Variants in ADAM2 observed in about 807,000 individuals in gnomAD.
The protein encoded by ADAM2 is disintegrin and metalloproteinase domain-containing protein 2.
In ADAM2, 101 loss-of-function variants were observed where a neutral mutation model predicts 99.3. That is an observed-to-expected ratio of 1.02 (90% confidence interval 0.87 to 1.20). ADAM2 has a LOEUF of 1.20. ADAM2 is among the 50% of genes most tolerant of loss of function. ADAM2 has a pLI of 0.00. For missense variants in ADAM2, 948 were observed against 878.7 expected, an observed-to-expected ratio of 1.08 and a Z score of -1.00; for synonymous variants, 323 against 287.6, an observed-to-expected ratio of 1.12 and a Z score of -1.25.
rs369312313 is a variant in ADAM2, at chr8:39,777,155, T to G, written c.898A>C (p.Arg300=). Residue 300 remains arginine, a synonymous_variant, in exon 11 of 21, where the codon AGA becomes CGA. Transcript: ENST00000265708. ...NYAGGVVLHP[R]TISLESLAVI... ...GCAAGTGATTCCAGACTTATGGTTC[T>G]GGGGTGCTGAGAAAAAAAAATAGAT... The G allele has an allele frequency of 3.8e-5, 61 of 1,603,288 alleles. No individual in the cohort carries two copies. Among genetic ancestry groups the G allele is most frequent in the Non-Finnish European group, 5.0e-5 (59 of 1,176,388 alleles).
intron 7 of ADAM2, among the ~76,000 whole-genome samples, chr8:39,793,439 G>T (rs574613602): frequency 4.7e-4 from 71 of 152,176 alleles, no homozygotes; most frequent in African/African-American, 1.6e-3. Context: ...AACATTAAAG[G>T]GTGTTAAGCA....
chr8:39,796,573 G>A (rs1403139522), intron 7 of ADAM2, among the ~76,000 whole-genome samples: 1 of 152,010 alleles, frequency 6.6e-6, no homozygotes, highest in Non-Finnish European at 1.5e-5. Flanking sequence ...GGGATTGCTG[G>A]GCCAAATGGT....
At chr8:39,788,002 C>G (rs997682902) in intron 9 of ADAM2, 83 bp downstream of exon 9, 17 of 912,206 alleles carry the variant, frequency 1.9e-5, no homozygotes, top group Non-Finnish European at 2.4e-5. Flanking sequence ...TTTTTTAATA[C>G]ACATTTATCA....
intron 10 of ADAM2, among the ~76,000 whole-genome samples, chr8:39,784,931 C>T (rs1185026689): frequency 1.3e-5 from 2 of 152,070 alleles, no homozygotes; most frequent in Non-Finnish European, 2.9e-5. Context: ...TGTTTCACCA[C>T]CTTATAGATT....
At chr8:39,810,435 T>G (rs1428266081) in intron 6 of ADAM2, among the ~76,000 whole-genome samples, 2 of 152,220 alleles carry the variant, frequency 1.3e-5, no homozygotes, top group Non-Finnish European at 2.9e-5. Flanking sequence ...CAAGTGGACC[T>G]AATAGACATC....
At chr8:39,787,548 A>C (rs941293788) in intron 9 of ADAM2, among the ~76,000 whole-genome samples, 3 of 121,436 alleles carry the variant, frequency 2.5e-5, no homozygotes, top group African/African-American at 3.4e-5. Context: ...CTCTCTATAT[A>C]TATATATACA....
At chr8:39,817,622 CAGTT>C (rs1359823845) in intron 6 of ADAM2, among the ~76,000 whole-genome samples, 5 of 152,086 alleles carry the variant, frequency 3.3e-5, no homozygotes, top group South Asian at 4.2e-4. Context: ...TATTATCTGT[CAGTT>C]AAACATAAAA....
chr8:39,822,996 T>C (rs574983937), intron 4 of ADAM2, among the ~76,000 whole-genome samples: 15 of 152,284 alleles, frequency 9.9e-5, no homozygotes, highest in African/African-American at 2.6e-4. Flanking sequence ...CTCCATCTCT[T>C]GACCTCATGA....
chr8:39,760,882 C>CAAAAAAAAAAAAAAAAAAACAAAA (rs1802335786), intron 15 of ADAM2, among the ~76,000 whole-genome samples: 1 of 60,184 alleles, frequency 1.7e-5, no homozygotes, highest in Non-Finnish European at 2.9e-5. Flanking sequence ...GACTCCATCT[C>CAAAAAAAAAAAAAAAAAAACAAAA]AAAAAAAAAA....
chr8:39,783,754 A>G (rs573549661), intron 10 of ADAM2, among the ~76,000 whole-genome samples: 41 of 152,170 alleles, frequency 2.7e-4, no homozygotes, highest in Non-Finnish European at 5.1e-4. Flanking sequence ...GATCGAGACC[A>G]TCCTGGCTAA....
intron 15 of ADAM2, among the ~76,000 whole-genome samples, chr8:39,759,061 A>G (rs1379114671): frequency 6.6e-6 from 1 of 152,170 alleles, no homozygotes; most frequent in Non-Finnish European, 1.5e-5. Context: ...GAAACAGAAT[A>G]TGCCCAGGGT....
chr8:39,745,649 A>G (rs1823411401), intron 19 of ADAM2, among the ~76,000 whole-genome samples: 1 of 152,058 alleles, frequency 6.6e-6, no homozygotes, highest in Non-Finnish European at 1.5e-5. Context: ...GTCTTTTATT[A>G]CTTATTAACT....
intron 7 of ADAM2, among the ~76,000 whole-genome samples, chr8:39,803,050 A>T (rs1804282629): frequency 6.6e-6 from 1 of 152,176 alleles, no homozygotes; most frequent in Non-Finnish European, 1.5e-5. Context: ...ACAACAGTTG[A>T]TCTAATTCTA....
rs546704958 is a variant in ADAM2, at chr8:39,787,924, C to A, written c.809+161G>T. Among the ~76,000 whole-genome samples the A allele has an allele frequency of 1.3e-4, 20 of 151,668 alleles. No homozygotes were observed. The East Asian group carries it at 2.1e-3, about 16-fold the overall frequency. On this transcript the variant is annotated intron_variant, in intron 9 of 20. Coordinates refer to ENST00000265708, the MANE Select transcript of ADAM2 (RefSeq NM_001464.5). Reference sequence around the variant, plus strand: ...TTCAAACCAATAAATAAATTGATATCAGTAATTCCAATATAAATACCATGT... The same window carrying A: ...TTCAAACCAATAAATAAATTGATATAAGTAATTCCAATATAAATACCATGT...
chr8:39,787,136 G>T (rs564250303), intron 9 of ADAM2, 81 bp from the exon 10 acceptor site: 5 of 808,228 alleles, frequency 6.2e-6, no homozygotes, highest in Non-Finnish European at 9.6e-6. Context: ...TTACATTTAT[G>T]ATAATCATTA....
Position 39,834,009 on chromosome 8 carries a change from G to A in ADAM2, c.133-10C>T, listed in dbSNP as rs201806361. 4.6e-6 allele frequency: 7 copies of A among 1,531,758 alleles called. No homozygotes were observed. The Admixed American group carries it at 1.0e-4, about 23-fold the overall frequency. 94.9% of individuals were successfully genotyped at this position (1,531,758 alleles called of 1,614,324 possible). On this transcript the variant is annotated splice_polypyrimidine_tract_variant and intron_variant, in intron 2 of 20. Transcript: ENST00000265708. ...CAATTTTGTAGGATGCCTGGCAGGA[G>A]AGCACAGTAAAAATACAAAGAAAAT... is the stretch of plus-strand genomic sequence containing the variant.
chr8:39,780,128 G>C (rs1803157178), intron 10 of ADAM2, among the ~76,000 whole-genome samples: 1 of 152,056 alleles, frequency 6.6e-6, no homozygotes, highest in African/African-American at 2.4e-5. Flanking sequence ...AAGAGCAAAG[G>C]CACATCTTAC....
In ADAM2 at chr8:39,813,903, A is replaced by T. The variant is rs370011327; in HGVS notation, c.514-4437T>A. 2.3e-3 allele frequency among the ~76,000 whole-genome samples: 354 copies of T among 152,186 alleles called. 1 individual carries two copies. The highest frequency in any genetic ancestry group is 0.01 in the South Asian group (49 of 4,832). On this transcript the variant is annotated intron_variant, in intron 6 of 20. Coordinates refer to ENST00000265708, the MANE Select transcript of ADAM2 (RefSeq NM_001464.5). ...TGCACGTTGTGCACATGTACCCTAG[A>T]ACTTAAAGTATAATAAAAAATAAAT...
At chr8:39,768,113 G>C (rs1005779197) in intron 12 of ADAM2, among the ~76,000 whole-genome samples, 1 of 152,054 alleles carries the variant, frequency 6.6e-6, no homozygotes, top group Non-Finnish European at 1.5e-5. Flanking sequence ...GCTATCTACT[G>C]TAATTCTAGA....
Sources: allele counts gnomAD v4.1 joint callset (sites outside exome capture counted in the v4.1 genomes callset), GRCh38; gene constraint gnomAD v4.1.1; transcripts MANE v1.5; gene names NCBI Gene and HGNC (gene_info 2026-07-23, HGNC 2026-07-21).